Variants in SHC2 observed in about 807,000 individuals in gnomAD.
SHC2 encodes SHC adaptor protein 2, also known as SHC-transforming protein 2.
A neutral mutation model predicts 60.6 loss-of-function variants in SHC2; 62 were observed. The ratio of observed to expected loss-of-function variants is 1.02; its 90% confidence interval spans 0.83 to 1.26. The LOEUF (loss-of-function observed/expected upper bound fraction) is 1.26. Among genes scored for constraint, SHC2 ranks in the 50% most tolerant of loss-of-function variants. The pLI is 0.00. For synonymous variants in SHC2, 375 were observed against 372.4 expected, an observed-to-expected ratio of 1.01 and a Z score of -0.08; for missense variants, 873 against 822.2, an observed-to-expected ratio of 1.06 and a Z score of -0.76.
chr19:439,017 G>T lies in SHC2; in HGVS notation c.553C>A (p.Arg185=), dbSNP rs577597277. 4 of 1,593,184 alleles carry T rather than the reference G, an allele frequency of 2.5e-6. No individual in the cohort carries two copies. The highest frequency in any genetic ancestry group is 1.3e-5 in the African/African-American group (1 of 74,340). ...RTQVTREAIN[R]LHEAVPGVRG... is the part of the protein sequence containing the mutation. ...ACGCCAGGCACGGCCTCATGGAGCC[G>T]GTTGATGGCTTCCCTGGGGTTGGGA... The change falls in exon 3 of 13, where the codon CGG becomes AGG. Residue 185 remains arginine, a synonymous_variant. Transcript: ENST00000264554.
rs769334401 is a variant in SHC2, at chr19:440,774, G to A, written c.539+88C>T. 394 of 1,175,560 alleles carry A rather than the reference G, an allele frequency of 3.4e-4. 1 individual carries two copies. Among genetic ancestry groups the A allele is most frequent in the Non-Finnish European group, 4.3e-4 (338 of 789,196 alleles). The allele number at this position is 1,175,560 out of a possible 1,614,324, so 72.8% of individuals were successfully genotyped here. A position where few individuals can be genotyped will look rare whatever the true frequency, so the allele number is the denominator to read the frequency against. On this transcript the variant is annotated intron_variant, in intron 2 of 12. Coordinates refer to ENST00000264554, the MANE Select transcript of SHC2 (RefSeq NM_012435.3). This position sits in a 1 kb window ranked among gnomAD's most constrained non-coding sequence, Gnocchi z 7.0. ...GTCCTGGGACCCCAGCGCGGCTGTC[G>A]GAGAGCCCATCGCTGCCGCCCTCCA...
chr19:435,551 T>C (rs11878321), intron 7 of SHC2, among the ~76,000 whole-genome samples: 3,349 of 152,322 alleles, frequency 0.022, 87 homozygotes, highest in African/African-American at 0.066. Context: ...CCTCCCACCA[T>C]TGGAGGAAGC....
intron 10 of SHC2, among the ~76,000 whole-genome samples, chr19:423,073 T>C (rs553922926): frequency 2.0e-5 from 3 of 152,016 alleles, no homozygotes; most frequent in Non-Finnish European, 4.4e-5. Context: ...GAGATGCATC[T>C]ACCCGTGGCT....
chr19:423,157 C>T (rs141140179), intron 10 of SHC2, among the ~76,000 whole-genome samples: 1 of 124,522 alleles, frequency 8.0e-6, no homozygotes, highest in Non-Finnish European at 1.7e-5. Flanking sequence ...CCTGGTCTCC[C>T]GCCCCTCCAG....
chr19:419,173 G>A lies in SHC2; in HGVS notation c.1621-117C>T, dbSNP rs1019994869. 5 of 1,194,926 alleles carry A rather than the reference G, an allele frequency of 4.2e-6. No homozygotes were observed. The African/African-American group carries it at 6.2e-5, about 15-fold the overall frequency. 74.0% of individuals were successfully genotyped at this position (1,194,926 alleles called of 1,614,324 possible). On this transcript the variant is annotated intron_variant, in intron 11 of 12. Coordinates refer to ENST00000264554, the MANE Select transcript of SHC2 (RefSeq NM_012435.3). ...CCTAGGGTGCCTGCATGGACGAGGG[G>A]CCGGACCAGGGAATTCCGGGACACC...
intron 5 of SHC2, 95 bp downstream of exon 5, chr19:436,535 A>C (rs1301251166): frequency 8.2e-6 from 13 of 1,576,918 alleles, no homozygotes; most frequent in Non-Finnish European, 1.1e-5. Context: ...ATGTGGGCAC[A>C]GGGTACGTTA....
chr19:441,034 G>A lies in SHC2; in HGVS notation c.469-102C>T, dbSNP rs1175416739. 11 of 1,530,956 alleles carry A rather than the reference G, an allele frequency of 7.2e-6. No homozygotes were observed. Among genetic ancestry groups the A allele is most frequent in the South Asian group, 7.0e-5 (6 of 85,666 alleles). The allele number at this position is 1,530,956 out of a possible 1,614,324, so 94.8% of individuals were successfully genotyped here. A position where few individuals can be genotyped will look rare whatever the true frequency, so the allele number is the denominator to read the frequency against. On this transcript the variant is annotated intron_variant, in intron 1 of 12. Transcript: ENST00000264554. The surrounding 1 kb of genome is among the most constrained non-coding windows in gnomAD (Gnocchi z 4.9). Reference sequence around the variant, plus strand: ...CGCCGCCTCCACCACCCCTGGGGTCGAGCCCTTTCCTCTGTCCCTGGTGGC... The same window carrying A: ...CGCCGCCTCCACCACCCCTGGGGTCAAGCCCTTTCCTCTGTCCCTGGTGGC...
chr19:460,880 G>A lies in SHC2; in HGVS notation c.117C>T (p.Ala39=). Residue 39 remains alanine (A), a synonymous_variant, in exon 1 of 13, where the codon GCC becomes GCT. Transcript: ENST00000264554. ...LPRMPQWKFA[A]PGGFLGRGPA... is the part of the protein sequence containing the mutation. ...GGCCGCGGCCCAGGAAGCCGCCCGGGGCCGCGAACTTCCACTGCGGCATTC... is the reference window on the plus strand; with the variant it reads ...GGCCGCGGCCCAGGAAGCCGCCCGGAGCCGCGAACTTCCACTGCGGCATTC... The A allele has an allele frequency of 2.0e-6, 2 of 990,210 alleles. No homozygotes were observed. The highest frequency in any genetic ancestry group is 4.4e-5 in the South Asian group (1 of 22,876). 61.3% of individuals were successfully genotyped at this position (990,210 alleles called of 1,614,324 possible).
At chr19:427,963 C>T (rs759811458) in intron 9 of SHC2, among the ~76,000 whole-genome samples, 17 of 151,796 alleles carry the variant, frequency 1.1e-4, no homozygotes, top group Non-Finnish European at 2.5e-4. Flanking sequence ...GGGGAGGGGA[C>T]GGCACAGGGA....
intron 7 of SHC2, among the ~76,000 whole-genome samples, chr19:435,494 G>A (rs576728861): frequency 5.9e-5 from 9 of 152,344 alleles, no homozygotes; most frequent in African/African-American, 1.9e-4. Context: ...GTGCGATGCC[G>A]CCTCCCTCGT....
chr19:459,244 TA>T (rs980182643), intron 1 of SHC2, among the ~76,000 whole-genome samples: 1 of 143,780 alleles, frequency 7.0e-6, no homozygotes, highest in African/African-American at 2.6e-5. Flanking sequence ...GAACCCAGCG[TA>T]GGGGGAAGGA....
chr19:420,307 G>A (rs887898310), intron 11 of SHC2, among the ~76,000 whole-genome samples: 1 of 152,154 alleles, frequency 6.6e-6, no homozygotes, highest in South Asian at 2.1e-4. Context: ...AGGCCGGGGT[G>A]CACAAGAGCC....
chr19:436,804 T>C, intron 4 of SHC2, 121 bp from the exon 5 acceptor site: 1 of 986,276 alleles, frequency 1.0e-6, no homozygotes. Flanking sequence ...GATGGAGACG[T>C]CTCCTGGACA....
intron 1 of SHC2, among the ~76,000 whole-genome samples, chr19:450,056 G>A (rs114248084): frequency 0.018 from 2,681 of 152,272 alleles, 84 homozygotes; most frequent in African/African-American, 0.059. Context: ...CACAGCCCCC[G>A]TCAGTGCCCC....
intron 1 of SHC2, among the ~76,000 whole-genome samples, chr19:454,670 G>A (rs1028714738): frequency 1.2e-4 from 18 of 152,110 alleles, no homozygotes; most frequent in African/African-American, 3.9e-4. Flanking sequence ...GGCGCCTGTA[G>A]TCCCAGCTAC....
Position 439,288 on chromosome 19 carries a change from G to A in SHC2, c.540-258C>T, listed in dbSNP as rs984140985. The A allele has an allele frequency of 5.7e-5, 32 of 557,484 alleles. 1 individual carries two copies. Among genetic ancestry groups the A allele is most frequent in the Admixed American group, 4.9e-4 (15 of 30,820 alleles). The allele number at this position is 557,484 out of a possible 1,614,324, so 34.5% of individuals were successfully genotyped here. On this transcript the variant is annotated intron_variant, in intron 2 of 12. Transcript: ENST00000264554. ...CAGCTTGGGCACCAGCCCACTCCAC[G>A]TGCGTCCTTGCATCCGGCAGAGGCC... is the stretch of plus-strand genomic sequence containing the variant.
chr19:427,181 G>C (rs1974436889), intron 9 of SHC2, among the ~76,000 whole-genome samples: 1 of 152,216 alleles, frequency 6.6e-6, no homozygotes, highest in Non-Finnish European at 1.5e-5. Flanking sequence ...AGATTGTTTG[G>C]GAAGATCTAA....
chr19:455,281 T>G (rs1975312071), intron 1 of SHC2, among the ~76,000 whole-genome samples: 1 of 152,028 alleles, frequency 6.6e-6, no homozygotes, highest in African/African-American at 2.4e-5. Context: ...GTGACAGCCC[T>G]AAAGGCATCG....
intron 1 of SHC2, among the ~76,000 whole-genome samples, chr19:455,014 C>T (rs946563967): frequency 4.6e-5 from 7 of 152,232 alleles, no homozygotes; most frequent in African/African-American, 1.4e-4. Context: ...CTCATAAAGA[C>T]GGCAGTCACC....
Sources: allele counts gnomAD v4.1 joint callset (sites outside exome capture counted in the v4.1 genomes callset), GRCh38; gene constraint gnomAD v4.1.1; non-coding constraint Gnocchi (gnomAD v3.1); transcripts MANE v1.5; gene names NCBI Gene and HGNC (gene_info 2026-07-23, HGNC 2026-07-21).